RECK: variants seen among roughly 807,000 people sequenced by gnomAD.
The protein encoded by RECK is reversion-inducing cysteine-rich protein with Kazal motifs.
Under a neutral mutation model 115.1 loss-of-function variants are expected in RECK, and 69 were observed. The observed-to-expected ratio is 0.60, with a 90% CI of 0.49 to 0.73. RECK has a LOEUF of 0.73. Among genes scored for constraint, RECK ranks in the 30% least tolerant of loss-of-function variants. RECK has a pLI of 0.00. For synonymous variants in RECK, 414 were observed against 419.7 expected, an observed-to-expected ratio of 0.99 and a Z score of 0.17; for missense variants, 1,047 against 1,203.7, an observed-to-expected ratio of 0.87 and a Z score of 1.93.
intron 6 of RECK, among the ~76,000 whole-genome samples, chr9:36,068,000 G>T (rs1460946286): frequency 6.6e-6 from 1 of 152,134 alleles, no homozygotes; most frequent in Non-Finnish European, 1.5e-5. Flanking sequence ...ATTTTGGGCT[G>T]CAAGTCTATG....
intron 19 of RECK, 50 bp downstream of exon 19, chr9:36,120,786 T>C: frequency 8.4e-7 from 1 of 1,195,592 alleles, no homozygotes; most frequent in South Asian, 1.2e-5. Context: ...GCTAAGCCTC[T>C]CAGTAATCCT....
At chr9:36,042,662 A>AT (rs200469958) in intron 1 of RECK, among the ~76,000 whole-genome samples, 3,873 of 152,142 alleles carry the variant, frequency 0.025, 173 homozygotes, top group African/African-American at 0.087. Flanking sequence ...TGTCTTTTTC[A>AT]TATGACTTCT....
intron 8 of RECK, among the ~76,000 whole-genome samples, chr9:36,087,303 A>G (rs1197369655): frequency 2.6e-5 from 4 of 152,242 alleles, no homozygotes; most frequent in African/African-American, 2.4e-5. Flanking sequence ...ATGGAATACT[A>G]TGCAGCCATA....
intron 20 of RECK, 109 bp downstream of exon 20, chr9:36,121,797 G>A (rs1824471388): frequency 1.7e-6 from 2 of 1,164,320 alleles, no homozygotes; most frequent in Non-Finnish European, 1.2e-6. Flanking sequence ...GTGAGGGAGT[G>A]GAGGCATTTG....
At chr9:36,044,252 T>C (rs1354797777) in intron 1 of RECK, among the ~76,000 whole-genome samples, 1 of 151,822 alleles carries the variant, frequency 6.6e-6, no homozygotes, top group African/African-American at 2.4e-5. Flanking sequence ...ATAAAAGAGG[T>C]TGAGTTCTTG....
chr9:36,112,174 C>T, intron 15 of RECK, 131 bp from the exon 16 acceptor site: 1 of 558,210 alleles, frequency 1.8e-6, no homozygotes, highest in South Asian at 3.2e-5. Flanking sequence ...GAAGGTTTTT[C>T]CTGACTTAAT....
rs113512207 is a variant in RECK, at chr9:36,064,292, T to A, written c.357+412T>A. ...TCATCATGGCTTTACCCTGAGTGTGTTCTTATATCCCTTCTCTGCTCCTAA... is the reference window on the plus strand; with the variant it reads ...TCATCATGGCTTTACCCTGAGTGTGATCTTATATCCCTTCTCTGCTCCTAA... On this transcript the variant is annotated intron_variant, in intron 5 of 20. Transcript: ENST00000377966. Among the ~76,000 whole-genome samples, 940 of 152,328 alleles carry A rather than the reference T, an allele frequency of 6.2e-3. 10 individuals carry two copies. The highest frequency in any genetic ancestry group is 0.021 in the African/African-American group (874 of 41,572).
At chr9:36,078,055 G>GA (rs1014651997) in intron 6 of RECK, among the ~76,000 whole-genome samples, 1 of 152,062 alleles carries the variant, frequency 6.6e-6, no homozygotes, top group African/African-American at 2.4e-5. Context: ...GTAGGTAAAT[G>GA]AAAAAAATAA....
chr9:36,047,011 C>T (rs1821092679), intron 1 of RECK, among the ~76,000 whole-genome samples: 1 of 152,122 alleles, frequency 6.6e-6, no homozygotes, highest in African/African-American at 2.4e-5. Context: ...ATCCCTAGGT[C>T]CAAATCAGAC....
At chr9:36,079,127 T>C (rs1490915185) in intron 6 of RECK, among the ~76,000 whole-genome samples, 1 of 152,192 alleles carries the variant, frequency 6.6e-6, no homozygotes, top group Non-Finnish European at 1.5e-5. Context: ...ACTCCCGACC[T>C]CAGGTGATCC....
At chr9:36,083,292 A>T in intron 7 of RECK, 73 bp from the exon 8 acceptor site, 1 of 1,428,984 alleles carries the variant, frequency 7.0e-7, no homozygotes, top group Non-Finnish European at 9.7e-7. Flanking sequence ...ATATTGTTCC[A>T]TCATTATGAT....
chr9:36,042,131 G>A (rs1474556229), intron 1 of RECK, among the ~76,000 whole-genome samples: 1 of 151,492 alleles, frequency 6.6e-6, no homozygotes, highest in Non-Finnish European at 1.5e-5. Flanking sequence ...GTTCTTTAGT[G>A]GTGATTTCTG....
chr9:36,056,042 T>A (rs1821508132), intron 2 of RECK, among the ~76,000 whole-genome samples: 1 of 152,112 alleles, frequency 6.6e-6, no homozygotes, highest in African/African-American at 2.4e-5. Context: ...AAATTTTAAG[T>A]ATATACAAAG....
At position 36,108,626 on chromosome 9, in the gene RECK, AC is replaced by A. The variant is rs200235013; in HGVS notation, c.1765+465del. On this transcript the variant is annotated intron_variant, in intron 14 of 20. Transcript: ENST00000377966. The stretch of plus-strand genomic sequence containing the variant: ...CAAGGACACAGGTAATCTTCCCCCG[AC>A]CCTTTCTTCAGGCATACCCCACCCC... 6.9e-3 allele frequency among the ~76,000 whole-genome samples: 1,053 copies of A among 152,014 alleles called. 14 individuals carry two copies. Among genetic ancestry groups the A allele is most frequent in the African/African-American group, 0.023 (938 of 41,434 alleles).
rs189330691 is a variant in RECK at position 36,112,302 on chromosome 9, C to T, written c.1889-3C>T. ...TATTTTTGAGGCTGTTTCCTCTCCT[C>T]AGGTCTGCCCTGTAACTGTGCAGAT... On this transcript the variant is annotated splice_region_variant and splice_polypyrimidine_tract_variant and intron_variant, in intron 15 of 20. Transcript: ENST00000377966. 6.2e-7 allele frequency: 1 copy of T among 1,612,570 alleles called. No homozygotes were observed. Among genetic ancestry groups the T allele is most frequent in the Non-Finnish European group, 8.5e-7 (1 of 1,179,720 alleles).
intron 1 of RECK, among the ~76,000 whole-genome samples, chr9:36,041,719 T>C (rs1820872621): frequency 6.6e-6 from 1 of 151,504 alleles, no homozygotes; most frequent in African/African-American, 2.4e-5. Context: ...TTATCTCACA[T>C]GGCTTCTCTC....
At chr9:36,037,260 G>C (rs968769552) in intron 1 of RECK, among the ~76,000 whole-genome samples, 162 bp downstream of exon 1, 6 of 151,666 alleles carry the variant, frequency 4.0e-5, no homozygotes, top group African/African-American at 1.2e-4. Flanking sequence ...GGCTGGTGCC[G>C]AGGCGGGGCG....
intron 16 of RECK, 98 bp downstream of exon 16, chr9:36,112,574 A>G: frequency 7.9e-7 from 1 of 1,269,254 alleles, no homozygotes. Context: ...TAAATTAAGA[A>G]ATCGCTGCTG....
intron 14 of RECK, 99 bp from the exon 15 acceptor site, chr9:36,109,858 A>G: frequency 8.3e-7 from 1 of 1,201,134 alleles, no homozygotes; most frequent in Non-Finnish European, 1.2e-6. Flanking sequence ...AAAAAAAAGG[A>G]ATTTCCATTT....
Sources: allele counts gnomAD v4.1 joint callset (sites outside exome capture counted in the v4.1 genomes callset), GRCh38; gene constraint gnomAD v4.1.1; transcripts MANE v1.5; gene names NCBI Gene and HGNC (gene_info 2026-07-23, HGNC 2026-07-21).